Variants in KCNK10 observed in about 807,000 individuals in gnomAD.
The protein encoded by KCNK10 is potassium two pore domain channel subfamily K member 10, also known as potassium channel subfamily K member 10.
A neutral mutation model predicts 47.7 loss-of-function variants in KCNK10; 25 were observed. The ratio of observed to expected loss-of-function variants is 0.52; its 90% CI spans 0.38 to 0.73. The LOEUF (loss-of-function observed/expected upper bound fraction) is 0.73. Among genes scored for constraint, KCNK10 ranks in the 30% least tolerant of loss-of-function variants. The pLI, the probability that KCNK10 is intolerant of heterozygous loss-of-function variation, is 0.00. For synonymous variants in KCNK10, 303 were observed against 285.6 expected (o/e 1.06, Z -0.61); for missense variants, 563 against 714.5 (o/e 0.79, Z 2.42).
At position 88,184,608 on chromosome 14, in the gene KCNK10, A is replaced by ACAGCAAGC. The variant is rs1371686018; in HGVS notation, c.*919_*926dup. ...AAAAATGTAGGATCAGCTAGACAGA[A>ACAGCAAGC]CAGCAAGCCACTGGCATCATGCAAG... is the stretch of plus-strand genomic sequence containing the variant. On this transcript the variant is annotated 3_prime_UTR_variant, in exon 7 of 7. Transcript: ENST00000319231. 1 of 152,370 alleles carries ACAGCAAGC rather than the reference A, an allele frequency of 6.6e-6. No homozygotes were observed. Among genetic ancestry groups the ACAGCAAGC allele is most frequent in the African/African-American group, 2.4e-5 (1 of 41,468 alleles). 9.4% of individuals were successfully genotyped at this position (152,370 alleles called of 1,614,324 possible).
intron 5 of KCNK10, among the ~76,000 whole-genome samples, chr14:88,188,443 G>A (rs1296680549): frequency 6.6e-6 from 1 of 152,052 alleles, no homozygotes; most frequent in Non-Finnish European, 1.5e-5. Context: ...GATCAGGCCT[G>A]GTTGTCATTG....
At chr14:88,215,227 G>A (rs1393240085) in intron 4 of KCNK10, among the ~76,000 whole-genome samples, 1 of 152,114 alleles carries the variant, frequency 6.6e-6, no homozygotes, top group Non-Finnish European at 1.5e-5. Context: ...AGAAATACTC[G>A]AGACTGGGTA....
intron 1 of KCNK10, among the ~76,000 whole-genome samples, chr14:88,310,181 G>GATATACCATATGATATGGTATATC (rs1888288500): frequency 8.8e-5 from 4 of 45,252 alleles, no homozygotes; most frequent in African/African-American, 1.7e-4. Context: ...TATGGTATAT[G>GATATACCATATGATATGGTATATC]ATATACCATA....
In KCNK10 at chr14:88,255,322, T is replaced by C. The variant is rs190595855; in HGVS notation, c.402+7880A>G. On this transcript the variant is annotated intron_variant, in intron 2 of 6. Coordinates refer to ENST00000319231, the MANE Select transcript of KCNK10 (RefSeq NM_138317.3). ...AGGGCTCAAATCCAAGTTTAATCAC[T>C]TATTGGCTGTCTGGACTTGGACAAG... is the stretch of plus-strand genomic sequence containing the variant. Among the ~76,000 whole-genome samples, 67 of 152,268 alleles carry C rather than the reference T, an allele frequency of 4.4e-4. 1 individual carries two copies. Among genetic ancestry groups the C allele is most frequent in the Admixed American group, 1.2e-3 (19 of 15,300 alleles).
At chr14:88,250,501 G>A (rs1483362285) in intron 2 of KCNK10, among the ~76,000 whole-genome samples, 1 of 152,100 alleles carries the variant, frequency 6.6e-6, no homozygotes, top group African/African-American at 2.4e-5. Flanking sequence ...AAACTTCCTG[G>A]ACTAAAGACT....
At position 88,185,369 on chromosome 14, in the gene KCNK10, T is replaced by C; in HGVS notation, c.*166A>G. 1 of 986,366 alleles carries C rather than the reference T, an allele frequency of 1.0e-6. No homozygotes were observed. Among genetic ancestry groups the C allele is most frequent in the Non-Finnish European group, 1.4e-6 (1 of 690,966 alleles). The allele number at this position is 986,366 out of a possible 1,614,324, so 61.1% of individuals were successfully genotyped here. ...TGAAGTTCTTGTTCTCTGATTCCTT[T>C]TGGCAGAGCAAGCTTTCAGTTGTTT... On this transcript the variant is annotated 3_prime_UTR_variant, in exon 7 of 7. Transcript: ENST00000319231. The surrounding 1 kb of genome is among the most constrained non-coding windows in gnomAD (Gnocchi z 4.3).
intron 1 of KCNK10, among the ~76,000 whole-genome samples, chr14:88,300,973 T>C (rs1476334369): frequency 1.3e-5 from 2 of 152,218 alleles, no homozygotes; most frequent in African/African-American, 2.4e-5. Context: ...AAATACGGAC[T>C]TTGGATTCAG....
At chr14:88,245,513 C>G (rs781293973) in intron 2 of KCNK10, among the ~76,000 whole-genome samples, 5 of 152,182 alleles carry the variant, frequency 3.3e-5, no homozygotes, top group Non-Finnish European at 5.9e-5. Context: ...GCAACGCCAG[C>G]TACATGAATC....
In KCNK10 at chr14:88,322,270, C is replaced by T. The variant is rs966852722; in HGVS notation, c.52+477G>A. On this transcript the variant is annotated intron_variant, in intron 1 of 6. Coordinates refer to ENST00000319231, the MANE Select transcript of KCNK10 (RefSeq NM_138317.3). The surrounding 1 kb of genome is among the most constrained non-coding windows in gnomAD (Gnocchi z 4.8). The stretch of plus-strand genomic sequence containing the variant: ...TGCGAGAACGGCCCACCCCTAGGGA[C>T]GGCTGCTGCAACTCGAGCCCCACTT... Among the ~76,000 whole-genome samples, 3 of 152,174 alleles carry T rather than the reference C, an allele frequency of 2.0e-5. No homozygotes were observed. Among genetic ancestry groups the T allele is most frequent in the Non-Finnish European group, 4.4e-5 (3 of 68,038 alleles).
chr14:88,306,042 A>C lies in KCNK10; in HGVS notation c.52+16705T>G, dbSNP rs1439971654. ...GGCTCAGTCAAGAAAAAGGCAAAAA[A>C]AATGCCAAGTTGGCAGTCAGAAGTG... On this transcript the variant is annotated intron_variant, in intron 1 of 6. Coordinates refer to ENST00000319231, the MANE Select transcript of KCNK10 (RefSeq NM_138317.3). Among the ~76,000 whole-genome samples the C allele has an allele frequency of 4.6e-5, 7 of 152,312 alleles. No homozygotes were observed. The East Asian group carries it at 1.4e-3, about 29-fold the overall frequency.
intron 1 of KCNK10, among the ~76,000 whole-genome samples, chr14:88,310,706 C>A (rs1007256054): frequency 6.6e-6 from 1 of 152,160 alleles, no homozygotes; most frequent in East Asian, 1.9e-4. Flanking sequence ...GGGAGGCCTT[C>A]CAAGCTGAGG....
At chr14:88,281,820 C>A (rs1371920998) in intron 1 of KCNK10, among the ~76,000 whole-genome samples, 2 of 98,878 alleles carry the variant, frequency 2.0e-5, no homozygotes, top group African/African-American at 7.9e-5. Context: ...TATATATACA[C>A]AAGATACATT....
chr14:88,203,836 G>C (rs1885177474), intron 4 of KCNK10, among the ~76,000 whole-genome samples: 1 of 152,198 alleles, frequency 6.6e-6, no homozygotes, highest in Non-Finnish European at 1.5e-5. Flanking sequence ...GTAACACAGG[G>C]AAGGCACAGG....
chr14:88,182,038 A>ACACACACACACACACACG lies in KCNK10; in HGVS notation c.*3496_*3497insCGTGTGTGTGTGTGTGTG, dbSNP rs1566674241. On this transcript the variant is annotated 3_prime_UTR_variant, in exon 7 of 7. Transcript: ENST00000319231. ...ATGGCCCAACACCACCCCAACCCGC[A>ACACACACACACACACACG]CACACACACACACACACACACACAC... The ACACACACACACACACACG allele has an allele frequency of 6.9e-5, 1 of 14,390 alleles. No individual in the cohort carries two copies. Among genetic ancestry groups the ACACACACACACACACACG allele is most frequent in the Non-Finnish European group, 1.5e-4 (1 of 6,708 alleles). The allele number at this position is 14,390 out of a possible 1,614,324, so 0.9% of individuals were successfully genotyped here.
chr14:88,219,027 G>T (rs1028061004), intron 4 of KCNK10, among the ~76,000 whole-genome samples: 3 of 152,182 alleles, frequency 2.0e-5, no homozygotes, highest in African/African-American at 7.2e-5. Flanking sequence ...GTTAAGGCAG[G>T]ATTAGTGGTT....
chr14:88,294,966 G>A (rs1887956945), intron 1 of KCNK10, among the ~76,000 whole-genome samples: 1 of 152,112 alleles, frequency 6.6e-6, no homozygotes, highest in African/African-American at 2.4e-5. Context: ...TTTCTTATAT[G>A]TGTTTGCTCA....
intron 4 of KCNK10, among the ~76,000 whole-genome samples, chr14:88,201,424 G>A (rs1595077404): frequency 6.6e-6 from 1 of 152,108 alleles, no homozygotes; most frequent in Non-Finnish European, 1.5e-5. Flanking sequence ...TTGGGAGGCC[G>A]AGAGGTAGGT....
chr14:88,216,394 T>A (rs1407262510), intron 4 of KCNK10, among the ~76,000 whole-genome samples: 1 of 152,150 alleles, frequency 6.6e-6, no homozygotes, highest in South Asian at 2.1e-4. Context: ...TGAGGACACA[T>A]TTAGTAATGT....
At chr14:88,262,049 T>G (rs905555511) in intron 2 of KCNK10, among the ~76,000 whole-genome samples, 2 of 152,090 alleles carry the variant, frequency 1.3e-5, no homozygotes, top group Non-Finnish European at 2.9e-5. Context: ...TGGTAAGAAA[T>G]AAATAAATAA....
Sources: allele counts gnomAD v4.1 joint callset (sites outside exome capture counted in the v4.1 genomes callset), GRCh38; gene constraint gnomAD v4.1.1; non-coding constraint Gnocchi (gnomAD v3.1); transcripts MANE v1.5; gene names NCBI Gene and HGNC (gene_info 2026-07-23, HGNC 2026-07-21).